Variants in CSMD1 observed in about 807,000 individuals in gnomAD.
The protein encoded by CSMD1 is CUB and Sushi multiple domains 1, also known as CUB and sushi domain-containing protein 1.
CSMD1 carries 213 observed loss-of-function variants against 417.5 expected under a neutral mutation model. The observed-to-expected ratio is 0.51, with a 90% CI of 0.46 to 0.57. CSMD1 has a LOEUF of 0.57. Among genes scored for constraint, CSMD1 ranks in the 20% least tolerant of loss-of-function variants. The probability of loss-of-function intolerance (pLI) is 0.00; values close to 1 mark genes in which losing one functional copy is unlikely to be tolerated. For synonymous variants in CSMD1, 2,862 were observed against 1,736.8 expected (o/e 1.65, Z -16.11); for missense variants, 6,923 against 4,529.7 (o/e 1.53, Z -15.17).
intron 12 of CSMD1, among the ~76,000 whole-genome samples, chr8:3,428,341 A>T (rs1039595486): frequency 6.6e-6 from 1 of 152,222 alleles, no homozygotes; most frequent in Non-Finnish European, 1.5e-5. Context: ...CAAGAGAAGC[A>T]TAACTCTTGC....
At chr8:3,171,404 C>G (rs1225941261) in intron 37 of CSMD1, among the ~76,000 whole-genome samples, 2 of 152,200 alleles carry the variant, frequency 1.3e-5, no homozygotes, top group African/African-American at 4.8e-5. Flanking sequence ...CACCACCCAT[C>G]TCAATCCCAC....
At chr8:3,732,125 C>T (rs942915942) in intron 6 of CSMD1, among the ~76,000 whole-genome samples, 9 of 152,276 alleles carry the variant, frequency 5.9e-5, no homozygotes, top group African/African-American at 2.2e-4. Context: ...GAGGAGAGGG[C>T]TCCTAGCGGA....
chr8:4,206,468 G>A lies in CSMD1; in HGVS notation c.416-174369C>T, dbSNP rs566013008. ...TTCTGTCCTTGTGATAGTTTGCTCAGAATAATGGTTTCCAGCTTCGTCCAT... is the reference window on the plus strand; with the variant it reads ...TTCTGTCCTTGTGATAGTTTGCTCAAAATAATGGTTTCCAGCTTCGTCCAT... On this transcript the variant is annotated intron_variant, in intron 3 of 69. Transcript: ENST00000635120. Among the ~76,000 whole-genome samples, 125 of 152,216 alleles carry A rather than the reference G, an allele frequency of 8.2e-4. 1 individual carries two copies. Among genetic ancestry groups the A allele is most frequent in the Non-Finnish European group, 1.6e-3 (106 of 68,028 alleles).
intron 5 of CSMD1, among the ~76,000 whole-genome samples, chr8:3,756,395 CA>C (rs1207704649): frequency 6.6e-6 from 1 of 151,368 alleles, no homozygotes; most frequent in East Asian, 1.9e-4. Flanking sequence ...TATTAAAAAT[CA>C]ATAATTATTT....
chr8:3,475,869 C>G (rs1700930287), intron 11 of CSMD1, among the ~76,000 whole-genome samples: 3 of 152,186 alleles, frequency 2.0e-5, no homozygotes, highest in Admixed American at 1.3e-4. Flanking sequence ...TAAACTCTTT[C>G]CAATGCAAAT....
intron 3 of CSMD1, among the ~76,000 whole-genome samples, chr8:4,211,322 C>G (rs1188658579): frequency 1.3e-5 from 2 of 152,052 alleles, no homozygotes; most frequent in African/African-American, 4.8e-5. Context: ...ATCATTATAT[C>G]CAACTGTTAA....
At chr8:3,037,233 T>A (rs1810745097) in intron 50 of CSMD1, among the ~76,000 whole-genome samples, 1 of 142,230 alleles carries the variant, frequency 7.0e-6, no homozygotes. Context: ...TGAGACGGAG[T>A]CTCGCTCTGT....
At chr8:4,015,875 C>T (rs1313276503) in intron 4 of CSMD1, among the ~76,000 whole-genome samples, 1 of 152,114 alleles carries the variant, frequency 6.6e-6, no homozygotes, top group African/African-American at 2.4e-5. Context: ...CTATGGTTTA[C>T]ATCTCATGCT....
chr8:3,832,377 G>C (rs1357928763), intron 5 of CSMD1, among the ~76,000 whole-genome samples: 2 of 152,060 alleles, frequency 1.3e-5, no homozygotes, highest in Non-Finnish European at 2.9e-5. Flanking sequence ...GTTTTTTCTG[G>C]TGACATTTTC....
chr8:3,133,517 G>T (rs886255852), intron 41 of CSMD1, among the ~76,000 whole-genome samples: 1 of 152,184 alleles, frequency 6.6e-6, no homozygotes, highest in African/African-American at 2.4e-5. Flanking sequence ...TACACTGGAA[G>T]GCTCACGTGG....
chr8:3,492,887 G>T (rs1008892806), intron 11 of CSMD1, among the ~76,000 whole-genome samples: 1 of 152,014 alleles, frequency 6.6e-6, no homozygotes, highest in Admixed American at 6.6e-5. Flanking sequence ...GTCTGGAAAG[G>T]TGTATGGCAT....
chr8:3,674,458 T>C (rs1418512302), intron 7 of CSMD1, among the ~76,000 whole-genome samples: 1 of 152,162 alleles, frequency 6.6e-6, no homozygotes, highest in East Asian at 1.9e-4. Context: ...TTATCATTAT[T>C]ATTATAAACA....
intron 1 of CSMD1, among the ~76,000 whole-genome samples, chr8:4,961,578 G>T (rs921156836): frequency 2.0e-5 from 3 of 152,076 alleles, no homozygotes; most frequent in Non-Finnish European, 4.4e-5. Context: ...TTGTTATCTA[G>T]TGCTCATGGT....
At position 3,486,594 on chromosome 8, in the gene CSMD1, T is replaced by G. The variant is rs1056760114; in HGVS notation, c.1448+7029A>C. Among the ~76,000 whole-genome samples, 54 of 152,188 alleles carry G rather than the reference T, an allele frequency of 3.5e-4. 2 individuals carry two copies. Among genetic ancestry groups the G allele is most frequent in the Non-Finnish European group, 4.4e-5 (3 of 68,040 alleles). On this transcript the variant is annotated intron_variant, in intron 11 of 69. Coordinates refer to ENST00000635120, the MANE Select transcript of CSMD1 (RefSeq NM_033225.6). ...ATAGAACAGCCAGAACAACTGGAAA[T>G]GACTCCTGCTGTTCACTCAGCTGCC... is the stretch of plus-strand genomic sequence containing the variant.
chr8:3,956,656 C>T (rs778483213), intron 5 of CSMD1, among the ~76,000 whole-genome samples: 4 of 152,002 alleles, frequency 2.6e-5, no homozygotes, highest in African/African-American at 2.4e-5. Context: ...TTGGATAAGA[C>T]GACTGAAAAT....
At chr8:3,882,381 A>C (rs1806265845) in intron 5 of CSMD1, among the ~76,000 whole-genome samples, 2 of 152,218 alleles carry the variant, frequency 1.3e-5, no homozygotes, top group South Asian at 2.1e-4. Flanking sequence ...GAATGGTTAA[A>C]ATACAATTTT....
intron 3 of CSMD1, among the ~76,000 whole-genome samples, chr8:4,063,220 T>G (rs1166256661): frequency 6.6e-6 from 1 of 152,088 alleles, no homozygotes; most frequent in Non-Finnish European, 1.5e-5. Context: ...AGACTTTGTG[T>G]GCATATTTCA....
In CSMD1 at chr8:4,281,391, CA is replaced by C. The variant is rs963323031; in HGVS notation, c.415+138561del. ...TTTGCATAAACCAGTGGTTTTTCACCAAAAAACAGCTTTAAATTATCATGTC... is the reference window on the plus strand; with the variant it reads ...TTTGCATAAACCAGTGGTTTTTCACCAAAAACAGCTTTAAATTATCATGTC... On this transcript the variant is annotated intron_variant, in intron 3 of 69. Coordinates refer to ENST00000635120, the MANE Select transcript of CSMD1 (RefSeq NM_033225.6). 3.9e-5 allele frequency among the ~76,000 whole-genome samples: 6 copies of C among 152,096 alleles called. No homozygotes were observed. The South Asian group carries it at 6.2e-4, about 16-fold the overall frequency.
chr8:3,893,339 T>TATATATATATATATATATATATATA (rs1807113679), intron 5 of CSMD1, among the ~76,000 whole-genome samples: 4 of 80,460 alleles, frequency 5.0e-5, no homozygotes, highest in Non-Finnish European at 8.3e-5. Flanking sequence ...ATTCACAATT[T>TATATATATATATATATATATATATA]TATATATATA....
Sources: gnomAD v4.1 joint callset for allele counts (sites outside exome capture counted in the v4.1 genomes callset) on GRCh38, gnomAD v4.1.1 for gene constraint, MANE v1.5 for transcripts, NCBI Gene and HGNC (gene_info 2026-07-23, HGNC 2026-07-21) for gene names.